NPC1: variants seen among roughly 807,000 people sequenced by gnomAD.
NPC1 encodes the protein NPC intracellular cholesterol transporter 1, also known as Niemann-Pick C1 protein.
A neutral mutation model predicts 140.4 loss-of-function variants in NPC1; 85 were observed. That is an observed-to-expected ratio of 0.61 (90% CI 0.51 to 0.72). NPC1 has a LOEUF of 0.72. Ranked by LOEUF, NPC1 falls within the 30% of genes least tolerant of loss-of-function variation. The pLI, the probability that NPC1 is intolerant of heterozygous loss-of-function variation, is 0.00. For missense variants in NPC1, 1,504 were observed against 1,623.8 expected (o/e 0.93, Z 1.27); for synonymous variants, 656 against 624.8 (o/e 1.05, Z -0.74).
chr18:23,533,343 G>A lies in NPC1; in HGVS notation c.3754+12C>T, dbSNP rs1227410904. 2.5e-6 allele frequency: 4 copies of A among 1,612,592 alleles called. No individual in the cohort carries two copies. In the East Asian group the frequency reaches 8.9e-5, roughly 36 times the overall value. On this transcript the variant is annotated intron_variant, in intron 24 of 24. Coordinates refer to ENST00000269228, the MANE Select transcript of NPC1 (RefSeq NM_000271.5). ...TTCTATTGTGCCACCCTTTTAAGAT[G>A]AGAACTCTTACCTATGTAACTGAGT... is the stretch of plus-strand genomic sequence containing the variant.
Position 23,541,188 on chromosome 18 carries a change from A to C in NPC1, c.2394T>G (p.Phe798Leu). ...CATCTTCAGCACCTCTGACACAGCA[A>C]AAGATGTCTAGCCGATTTTTCTGAG... ...KRQEKNRLDI[F>L]CCVRGAEDGT... Residue 798 changes from phenylalanine to leucine, a missense_variant, in exon 16 of 25, where the codon TTT becomes TTG. By Grantham distance (22) the Phe-to-Leu change is conservative (BLOSUM62 0). Coordinates refer to ENST00000269228, the MANE Select transcript of NPC1 (RefSeq NM_000271.5). 1.2e-6 allele frequency: 2 copies of C among 1,614,242 alleles called. No homozygotes were observed. Among genetic ancestry groups the C allele is most frequent in the Non-Finnish European group, 1.7e-6 (2 of 1,180,048 alleles).
downstream of NPC1, chr18:23,526,687 CCAGA>C (rs765697151): frequency 1.9e-6 from 3 of 1,614,146 alleles, no homozygotes; most frequent in Non-Finnish European, 1.7e-6. Context: ...AAATCTCTTA[CCAGA>C]CAAAGGAAGA....
At chr18:23,569,683 A>T (rs2059174594) in intron 3 of NPC1, among the ~76,000 whole-genome samples, 6 of 152,192 alleles carry the variant, frequency 3.9e-5, no homozygotes, top group Admixed American at 3.9e-4. Flanking sequence ...CTTATAACCT[A>T]TTGAAAGGTT....
Position 23,556,331 on chromosome 18 carries a change from G to A in NPC1, c.1238C>T (p.Pro413Leu). 6.2e-7 allele frequency: 1 copy of A among 1,614,092 alleles called. No individual in the cohort carries two copies. The highest frequency in any genetic ancestry group is 8.5e-7 in the Non-Finnish European group (1 of 1,179,998). Residue 413 changes from proline (P) to leucine (L), a missense_variant, in exon 8 of 25, where the codon CCT becomes CTT. Pro to Leu is a moderately conservative substitution (Grantham distance 98, BLOSUM62 -3). Coordinates refer to ENST00000269228, the MANE Select transcript of NPC1 (RefSeq NM_000271.5). ...FRTEQLIIRA[P>L]LTDKHIYQPY... is the part of the protein sequence containing the mutation. ...CTGGTAAATGTGTTTGTCAGTGAGA[G>A]GGGCCCGGATGATGAGCTGCTCCGT...
rs1188756637 is a variant in NPC1, at chr18:23,557,155, T to C, written c.917A>G (p.Asp306Gly). 1.2e-6 allele frequency: 2 copies of C among 1,613,858 alleles called. No homozygotes were observed. The highest frequency in any genetic ancestry group is 1.7e-6 in the Non-Finnish European group (2 of 1,179,932). ...RYFVSEYTPI[D>G]SNIAFSVNAS... Reference sequence around the variant, plus strand: ...ATTAACAGAAAAAGCTATATTGCTATCGATGGGAGTGTACTCGGAGACAAA... The same window carrying C: ...ATTAACAGAAAAAGCTATATTGCTACCGATGGGAGTGTACTCGGAGACAAA... The change falls in exon 7 of 25, where the codon GAT (aspartate) becomes GGT (glycine). Residue 306 changes from aspartate to glycine, a missense_variant. By Grantham distance (94) the Asp-to-Gly change is moderately conservative. Transcript: ENST00000269228.
At chr18:23,551,447 C>A in intron 10 of NPC1, 180 bp downstream of exon 10, 3 of 668,072 alleles carry the variant, frequency 4.5e-6, no homozygotes, top group Non-Finnish European at 8.1e-6. Flanking sequence ...CAATCCACTT[C>A]TTTTAAATCT....
rs1266802629 is a variant in NPC1 at position 23,534,269 on chromosome 18, G to T, written c.3591+177C>A. 3 of 678,466 alleles carry T rather than the reference G, an allele frequency of 4.4e-6. No homozygotes were observed. The East Asian group carries it at 8.1e-5, about 18-fold the overall frequency. The allele number at this position is 678,466 out of a possible 1,614,324, so 42.0% of individuals were successfully genotyped here. On this transcript the variant is annotated intron_variant, in intron 23 of 24. Transcript: ENST00000269228. ...ACCTAAAAAGGAGCCGTACCAACAGGTACAGTTCCACAGAACGTCCGTTCT... is the reference window on the plus strand; with the variant it reads ...ACCTAAAAAGGAGCCGTACCAACAGTTACAGTTCCACAGAACGTCCGTTCT...
chr18:23,582,362 G>T (rs1380295563), intron 1 of NPC1, among the ~76,000 whole-genome samples: 1 of 152,152 alleles, frequency 6.6e-6, no homozygotes, highest in Non-Finnish European at 1.5e-5. Context: ...AAAGTGAGAG[G>T]CACAGTCCAG....
chr18:23,551,092 T>G (rs2058865435), intron 10 of NPC1, among the ~76,000 whole-genome samples: 1 of 152,206 alleles, frequency 6.6e-6, no homozygotes, highest in Admixed American at 6.5e-5. Flanking sequence ...CACCTCATTT[T>G]GTCAAGTACA....
intron 1 of NPC1, chr18:23,524,047 AG>A: frequency 3.6e-6 from 5 of 1,372,684 alleles, no homozygotes; most frequent in Non-Finnish European, 5.2e-6. Flanking sequence ...GACATTAAAA[AG>A]TATTGACTTT....
At chr18:23,555,657 T>A (rs963951809) in intron 8 of NPC1, among the ~76,000 whole-genome samples, 2 of 152,332 alleles carry the variant, frequency 1.3e-5, no homozygotes, top group East Asian at 3.9e-4. Flanking sequence ...CCAAGGCAAG[T>A]GTGACAGGGA....
At chr18:23,550,014 TG>T (rs1269216305) in intron 10 of NPC1, among the ~76,000 whole-genome samples, 6 of 151,748 alleles carry the variant, frequency 4.0e-5, no homozygotes, top group Admixed American at 3.9e-4. Flanking sequence ...CTAATATTTT[TG>T]TCCAGTTTTT....
Position 23,541,401 on chromosome 18 carries a change from A to G in NPC1, c.2278T>C (p.Phe760Leu). Reference protein sequence around the residue: ...ALSVMPAVHTFSLFAGLAVFI... With the variant: ...ALSVMPAVHTLSLFAGLAVFI... ...ACTGCCAATCCCGCAAAGAGAGAGA[A>G]GGTGTGCACGGCTGGCATCACGGAC... The change falls in exon 15 of 25, where the codon TTC (phenylalanine) becomes CTC (leucine). Residue 760 changes from phenylalanine (F) to leucine (L), a missense_variant. Transcript: ENST00000269228. The G allele has an allele frequency of 6.2e-7, 1 of 1,614,244 alleles. No individual in the cohort carries two copies. The highest frequency in any genetic ancestry group is 8.5e-7 in the Non-Finnish European group (1 of 1,180,044).
At chr18:23,544,660 G>C in intron 12 of NPC1, 134 bp from the exon 13 acceptor site, 1 of 879,896 alleles carries the variant, frequency 1.1e-6, no homozygotes, top group East Asian at 2.6e-5. Context: ...GTGTTTCAGA[G>C]AGGACTTGTA....
Position 23,544,942 on chromosome 18 carries a change from CA to C in NPC1, c.1947+17del, listed in dbSNP as rs1258341191. ...TGCTGTTAACCTCTAGAACATACAC[CA>C]CCCCCCCCCGGCTTACCAGAAGCCT... On this transcript the variant is annotated intron_variant, in intron 12 of 24. Coordinates refer to ENST00000269228, the MANE Select transcript of NPC1 (RefSeq NM_000271.5). 1 of 1,345,002 alleles carries C rather than the reference CA, an allele frequency of 7.4e-7. No individual in the cohort carries two copies. Among genetic ancestry groups the C allele is most frequent in the South Asian group, 1.2e-5 (1 of 81,830 alleles). The allele number at this position is 1,345,002 out of a possible 1,614,324, so 83.3% of individuals were successfully genotyped here. A position where few individuals can be genotyped will look rare whatever the true frequency, so the allele number is the denominator to read the frequency against.
chr18:23,530,202 T>C, downstream of NPC1: 1 of 1,614,124 alleles, frequency 6.2e-7, no homozygotes, highest in South Asian at 1.1e-5. Flanking sequence ...TCTTTCCAAC[T>C]GAAGTGGGTC....
At chr18:23,507,572 A>G (rs2145132875) in intron 3 of NPC1, among the ~76,000 whole-genome samples, 1 of 152,324 alleles carries the variant, frequency 6.6e-6, no homozygotes, top group South Asian at 2.1e-4. Flanking sequence ...TAGCCCGTGT[A>G]AATGTTCACC....
Position 23,544,946 on chromosome 18 carries a change from C to CCCACCA in NPC1, c.1947+13_1947+14insTGGTGG. 7.5e-7 allele frequency: 1 copy of CCCACCA among 1,329,452 alleles called. No homozygotes were observed. Among genetic ancestry groups the CCCACCA allele is most frequent in the East Asian group, 2.7e-5 (1 of 36,546 alleles). The allele number at this position is 1,329,452 out of a possible 1,614,324, so 82.4% of individuals were successfully genotyped here. ...GTTAACCTCTAGAACATACACCACCCCCCCCCGGCTTACCAGAAGCCTGCG... is the reference window on the plus strand; with the variant it reads ...GTTAACCTCTAGAACATACACCACCCCCACCACCCCCCGGCTTACCAGAAGCCTGCG... On this transcript the variant is annotated intron_variant, in intron 12 of 24. Transcript: ENST00000269228.
chr18:23,558,635 GAA>G (rs1281094984), intron 6 of NPC1, among the ~76,000 whole-genome samples: 3 of 152,290 alleles, frequency 2.0e-5, no homozygotes, highest in Admixed American at 2.0e-4. Context: ...AAAAGCTGGT[GAA>G]ATCTGATTAA....
Sources: gnomAD v4.1 joint callset for allele counts (sites outside exome capture counted in the v4.1 genomes callset) on GRCh38, gnomAD v4.1.1 for gene constraint, MANE v1.5 for transcripts, NCBI Gene and HGNC (gene_info 2026-07-23, HGNC 2026-07-21) for gene names.